Variants in TP53I13 observed in about 807,000 individuals in gnomAD.
The protein encoded by TP53I13 is tumor protein p53 inducible protein 13.
In TP53I13, 27 loss-of-function variants were observed where a neutral mutation model predicts 39.1. The observed-to-expected ratio is 0.69, with a 90% CI of 0.51 to 0.95. The LOEUF (loss-of-function observed/expected upper bound fraction) is 0.95, where lower values mean the gene tolerates loss of function less well. TP53I13 is among the 40% of genes least tolerant of loss of function. TP53I13 has a pLI of 0.00. For missense variants in TP53I13, 544 were observed against 520.4 expected (o/e 1.05, Z -0.44); for synonymous variants, 230 against 224.6 (o/e 1.02, Z -0.22).
chr17:29,576,800 C>T, downstream of TP53I13: 1 of 1,576,240 alleles, frequency 6.3e-7, no homozygotes, highest in Non-Finnish European at 8.6e-7. Context: ...GAGGACAGAG[C>T]TGGGCCTCAG....
rs747640838 is a variant in TP53I13, at chr17:29,568,738, C to T, written c.-21C>T. ...GCTGGCGGAGCGGCTGGGCGGCGGG[C>T]CGGGCCCGGGGCCGCTTGGAATGGC... On this transcript the variant is annotated 5_prime_UTR_variant, in exon 1 of 7. Coordinates refer to ENST00000301057, the MANE Select transcript of TP53I13 (RefSeq NM_138349.4). This position sits in a 1 kb window ranked among gnomAD's most constrained non-coding sequence, Gnocchi z 4.5. 6.7e-6 allele frequency: 10 copies of T among 1,499,266 alleles called. No individual in the cohort carries two copies. Among genetic ancestry groups the T allele is most frequent in the Middle Eastern group, 2.1e-4 (1 of 4,662 alleles). 92.9% of individuals were successfully genotyped at this position (1,499,266 alleles called of 1,614,324 possible).
At position 29,568,962 on chromosome 17, in the gene TP53I13, G is replaced by C. The variant is rs901264665; in HGVS notation, c.73-56G>C. 1.3e-6 allele frequency: 2 copies of C among 1,591,396 alleles called. No homozygotes were observed. Among genetic ancestry groups the C allele is most frequent in the South Asian group, 2.2e-5 (2 of 88,954 alleles). On this transcript the variant is annotated intron_variant, in intron 1 of 6. Coordinates refer to ENST00000301057, the MANE Select transcript of TP53I13 (RefSeq NM_138349.4). This position sits in a 1 kb window ranked among gnomAD's most constrained non-coding sequence, Gnocchi z 4.5. ...CGCTGGCGGGCTGGGCCTGGGGAGA[G>C]AGAGGGCAGGGCCTCGCCGCGTCCA...
At position 29,568,712 on chromosome 17, in the gene TP53I13, C is replaced by G; in HGVS notation, c.-47C>G. ...GAGGGGCGGGGCGCGCGCGCTCCCT[C>G]GCTGGCGGAGCGGCTGGGCGGCGGG... On this transcript the variant is annotated 5_prime_UTR_variant, in exon 1 of 7. Coordinates refer to ENST00000301057, the MANE Select transcript of TP53I13 (RefSeq NM_138349.4). The surrounding 1 kb of genome is among the most constrained non-coding windows in gnomAD (Gnocchi z 4.5). 3.1e-6 allele frequency: 4 copies of G among 1,305,238 alleles called. No individual in the cohort carries two copies. Among genetic ancestry groups the G allele is most frequent in the Non-Finnish European group, 3.9e-6 (4 of 1,024,076 alleles). 80.9% of individuals were successfully genotyped at this position (1,305,238 alleles called of 1,614,324 possible).
chr17:29,566,549 C>T (rs2032716871), upstream of TP53I13: 3 of 1,608,270 alleles, frequency 1.9e-6, no homozygotes. Context: ...GGTCCTACCA[C>T]CCAGTCCAGG....
intron 3 of TP53I13, 104 bp downstream of exon 3, chr17:29,569,463 ACTTCC>A: frequency 8.8e-7 from 1 of 1,141,894 alleles, no homozygotes; most frequent in East Asian, 2.5e-5. Context: ...ATTCCTTACC[ACTTCC>A]CTCAGGCAGA....
downstream of TP53I13, chr17:29,574,137 A>AAAAC (rs1162996025): frequency 3.3e-5 from 5 of 152,440 alleles, no homozygotes; most frequent in African/African-American, 1.2e-4. Context: ...AGAAAAAAAA[A>AAAAC]AAACAGACTT....
rs747593038 is a variant in TP53I13 at position 29,572,494 on chromosome 17, CGG to C, written c.867_868del (p.Ala290ProfsTer18). 1.9e-6 allele frequency: 3 copies of C among 1,602,232 alleles called. No individual in the cohort carries two copies. The Admixed American group carries it at 5.1e-5, about 27-fold the overall frequency. On this transcript the variant is annotated frameshift_variant, in exon 6 of 7. Coordinates refer to ENST00000301057, the MANE Select transcript of TP53I13 (RefSeq NM_138349.4). LOFTEE classifies it high-confidence loss of function. ...TGTGTCTGTTCAAGTCAGGCTTCCC[CGG>C]CCCCTCGCGCAGCAGCGCCTCCACG...
chr17:29,568,678 C>T, upstream of TP53I13: 3 of 945,736 alleles, frequency 3.2e-6, no homozygotes, highest in Non-Finnish European at 3.8e-6. This position sits in a 1 kb window ranked among gnomAD's most constrained non-coding sequence, Gnocchi z 4.5. Flanking sequence ...CGCGGGGGCG[C>T]TGGGGCTGGA....
At chr17:29,566,563 A>T (rs1246692542), upstream of TP53I13, 6 of 1,608,790 alleles carry the variant, frequency 3.7e-6, no homozygotes, top group Non-Finnish European at 5.1e-6. Context: ...GTCCAGGGCC[A>T]CTAGCCCATC....
upstream of TP53I13, chr17:29,567,036 C>T (rs1187032911): frequency 8.4e-6 from 10 of 1,196,736 alleles, no homozygotes; most frequent in Non-Finnish European, 9.3e-6. The surrounding 1 kb of genome is among the most constrained non-coding windows in gnomAD (Gnocchi z 6.6). Flanking sequence ...CGCGCTTTGC[C>T]CGCGGCTCCG....
chr17:29,569,589 G>A (rs750138618), intron 3 of TP53I13: 56 of 444,382 alleles, frequency 1.3e-4, no homozygotes, highest in Non-Finnish European at 2.1e-4. Context: ...GCTGTGTCAG[G>A]ATGCTGTTGG....
rs775822020 is a variant in TP53I13 at position 29,569,010 on chromosome 17, AC to A, written c.73-5del. ...CCAGCGCCCCAACTCTTCGCTTTGGACCCACAGGTGATGGCTGGACCGGCGG... is the reference window on the plus strand; with the variant it reads ...CCAGCGCCCCAACTCTTCGCTTTGGACCACAGGTGATGGCTGGACCGGCGG... On this transcript the variant is annotated splice_region_variant and splice_polypyrimidine_tract_variant and intron_variant, in intron 1 of 6. Coordinates refer to ENST00000301057, the MANE Select transcript of TP53I13 (RefSeq NM_138349.4). 1.2e-6 allele frequency: 2 copies of A among 1,608,574 alleles called. No homozygotes were observed. Among genetic ancestry groups the A allele is most frequent in the South Asian group, 1.1e-5 (1 of 90,208 alleles).
At chr17:29,571,758 G>A (rs772381975) in intron 4 of TP53I13, 39 bp downstream of exon 4, 1 of 1,613,798 alleles carries the variant, frequency 6.2e-7, no homozygotes, top group Non-Finnish European at 8.5e-7. Context: ...GGCCCTGGCA[G>A]AAGGCTATGG....
chr17:29,576,657 G>A (rs1274631847), downstream of TP53I13: 5 of 1,613,996 alleles, frequency 3.1e-6, no homozygotes, highest in Non-Finnish European at 4.2e-6. Flanking sequence ...CGTCAGACAA[G>A]TCCGAGGAGT....
chr17:29,575,965 A>T, downstream of TP53I13: 1 of 1,528,652 alleles, frequency 6.5e-7, no homozygotes, highest in South Asian at 1.1e-5. This position sits in a 1 kb window ranked among gnomAD's most constrained non-coding sequence, Gnocchi z 5.5. Flanking sequence ...CCAGCAGTGC[A>T]GCAGGGACCA....
At position 29,572,882 on chromosome 17, in the gene TP53I13, G is replaced by A. The variant is rs760191539; in HGVS notation, c.1140G>A (p.Pro380=). 3.3e-6 allele frequency: 5 copies of A among 1,514,982 alleles called. No individual in the cohort carries two copies. The highest frequency in any genetic ancestry group is 2.3e-4 in the Middle Eastern group (1 of 4,326). 93.8% of individuals were successfully genotyped at this position (1,514,982 alleles called of 1,614,324 possible). A position where few individuals can be genotyped will look rare whatever the true frequency, so the allele number is the denominator to read the frequency against. The change falls in exon 7 of 7, where the codon CCG becomes CCA. Residue 380 remains proline (P), a synonymous_variant. Coordinates refer to ENST00000301057, the MANE Select transcript of TP53I13 (RefSeq NM_138349.4). ...VKRSRRRPLL[P]PTPDSGPEGE... is the part of the protein sequence containing the mutation. ...GCTCGCGCCGGAGACCCCTCCTCCC[G>A]CCCACGCCGGACAGCGGCCCGGAAG...
At chr17:29,575,558 A>G, downstream of TP53I13, 1 of 1,561,064 alleles carries the variant, frequency 6.4e-7, no homozygotes, top group East Asian at 2.3e-5. The surrounding 1 kb of genome is among the most constrained non-coding windows in gnomAD (Gnocchi z 5.5). Context: ...TGGTCCTCAC[A>G]CACTGGGGGC....
chr17:29,569,626 G>GT (rs1288550717), intron 3 of TP53I13: 1 of 379,366 alleles, frequency 2.6e-6, no homozygotes, highest in African/African-American at 2.0e-5. Context: ...ACAAGTGGCT[G>GT]TGAGTGGAAC....
At chr17:29,576,448 G>A, downstream of TP53I13, 1 of 1,612,676 alleles carries the variant, frequency 6.2e-7, no homozygotes, top group South Asian at 1.1e-5. Context: ...GCAGCTTGTG[G>A]ATCTATGGGT....
Sources: allele counts gnomAD v4.1 joint callset, GRCh38; gene constraint gnomAD v4.1.1; non-coding constraint Gnocchi (gnomAD v3.1); transcripts MANE v1.5; gene names NCBI Gene and HGNC (gene_info 2026-07-23, HGNC 2026-07-21).